ABLIM2: variants seen among roughly 807,000 people sequenced by gnomAD.
ABLIM2 encodes the protein actin binding LIM protein family member 2, also known as actin-binding LIM protein 2.
Under a neutral mutation model 97.7 loss-of-function variants are expected in ABLIM2, and 53 were observed. The ratio of observed to expected loss-of-function variants is 0.54; its 90% CI spans 0.44 to 0.68. The LOEUF (loss-of-function observed/expected upper bound fraction) is 0.68. Ranked by LOEUF, ABLIM2 falls within the 30% of genes least tolerant of loss-of-function variation. The pLI, the probability that ABLIM2 is intolerant of heterozygous loss-of-function variation, is 0.00. For synonymous variants in ABLIM2, 361 were observed against 345.8 expected, an observed-to-expected ratio of 1.04 and a Z score of -0.49; for missense variants, 835 against 867.2, an observed-to-expected ratio of 0.96 and a Z score of 0.47.
intron 9 of ABLIM2, among the ~76,000 whole-genome samples, chr4:8,039,878 T>TTTTTTTG (rs1553989639): frequency 3.6e-5 from 5 of 140,356 alleles, no homozygotes; most frequent in Non-Finnish European, 7.7e-5. Context: ...ATTACTGTTT[T>TTTTTTTG]TTTTTTTTTT....
chr4:8,158,478 C>A (rs1211717324), intron 1 of ABLIM2, among the ~76,000 whole-genome samples: 1 of 152,166 alleles, frequency 6.6e-6, no homozygotes, highest in African/African-American at 2.4e-5. Flanking sequence ...CCGGCCCGCG[C>A]CACTGAGCTA....
At chr4:7,977,497 A>G (rs1042142411) in intron 20 of ABLIM2, among the ~76,000 whole-genome samples, 1 of 152,154 alleles carries the variant, frequency 6.6e-6, no homozygotes, top group Non-Finnish European at 1.5e-5. Context: ...TTGCCATTTA[A>G]AAGGTAGGGT....
In ABLIM2 at chr4:8,125,932, T is replaced by C. The variant is rs372334999; in HGVS notation, c.11-19295A>G. On this transcript the variant is annotated intron_variant, in intron 1 of 20. Transcript: ENST00000447017. This position sits in a 1 kb window ranked among gnomAD's most constrained non-coding sequence, Gnocchi z 6.2. Reference sequence around the variant, plus strand: ...CGCCGCTTTTGGGAACACACCTGCATGTCTCCTTTTTTGGTTCACAACACC... The same window carrying C: ...CGCCGCTTTTGGGAACACACCTGCACGTCTCCTTTTTTGGTTCACAACACC... Among the ~76,000 whole-genome samples, 130 of 152,304 alleles carry C rather than the reference T, an allele frequency of 8.5e-4. 2 individuals are homozygous for C. In the South Asian group the frequency reaches 1.0e-2, roughly 12 times the overall value.
intron 1 of ABLIM2, among the ~76,000 whole-genome samples, chr4:8,143,164 G>GC (rs1415320585): frequency 2.7e-5 from 4 of 148,946 alleles, no homozygotes; most frequent in Admixed American, 6.7e-5. Flanking sequence ...GAGAGTGGGG[G>GC]GGGGGGGCGT....
intron 2 of ABLIM2, among the ~76,000 whole-genome samples, chr4:8,104,392 T>G (rs1836165438): frequency 6.6e-6 from 1 of 152,172 alleles, no homozygotes; most frequent in African/African-American, 2.4e-5. Flanking sequence ...GCTGCCTTTG[T>G]CAGGGCAGTG....
rs1431132100 is a variant in ABLIM2 at position 8,132,242 on chromosome 4, C to G, written c.11-25605G>C. On this transcript the variant is annotated intron_variant, in intron 1 of 20. Coordinates refer to ENST00000447017, the MANE Select transcript of ABLIM2 (RefSeq NM_001130083.2). The surrounding 1 kb of genome is among the most constrained non-coding windows in gnomAD (Gnocchi z 8.0). ...CTGCACAGAACCCCTCACTCCCTGA[C>G]AGCCCAGCGCTGTGGCTGCCACCCA... Among the ~76,000 whole-genome samples, 1 of 152,174 alleles carries G rather than the reference C, an allele frequency of 6.6e-6. No individual in the cohort carries two copies. The highest frequency in any genetic ancestry group is 1.9e-4 in the East Asian group (1 of 5,190).
chr4:8,129,401 A>G (rs550876432), intron 1 of ABLIM2, among the ~76,000 whole-genome samples: 19 of 152,268 alleles, frequency 1.2e-4, no homozygotes, highest in African/African-American at 4.1e-4. Flanking sequence ...CGCCCGAAAC[A>G]CGGCCAGCAC....
At position 8,096,472 on chromosome 4, in the gene ABLIM2, C is replaced by T. The variant is rs527764334; in HGVS notation, c.338+627G>A. 3.9e-5 allele frequency among the ~76,000 whole-genome samples: 6 copies of T among 152,232 alleles called. No individual in the cohort carries two copies. In the East Asian group the frequency reaches 1.2e-3, roughly 29 times the overall value. ...GCTACGATGACACAGAGCGACTCTCCCTAGACATACTCCTTGTCATCGTCA... is the reference window on the plus strand; with the variant it reads ...GCTACGATGACACAGAGCGACTCTCTCTAGACATACTCCTTGTCATCGTCA... On this transcript the variant is annotated intron_variant, in intron 3 of 20. Coordinates refer to ENST00000447017, the MANE Select transcript of ABLIM2 (RefSeq NM_001130083.2).
chr4:7,970,521 A>G lies in ABLIM2; in HGVS notation c.1825-3418T>C, dbSNP rs951686447. ...GCAGGCGTGCCCCGCATGCTGGGGAAGGAGAGAAGGGCAGGCTTGAGGATG... is the reference window on the plus strand; with the variant it reads ...GCAGGCGTGCCCCGCATGCTGGGGAGGGAGAGAAGGGCAGGCTTGAGGATG... On this transcript the variant is annotated intron_variant, in intron 20 of 20. Transcript: ENST00000447017. The surrounding 1 kb of genome is among the most constrained non-coding windows in gnomAD (Gnocchi z 5.3). Among the ~76,000 whole-genome samples the G allele has an allele frequency of 6.6e-6, 1 of 151,724 alleles. No individual in the cohort carries two copies. The highest frequency in any genetic ancestry group is 2.4e-5 in the African/African-American group (1 of 41,348).
At chr4:8,152,421 C>T (rs931983972) in intron 1 of ABLIM2, among the ~76,000 whole-genome samples, 14 of 152,212 alleles carry the variant, frequency 9.2e-5, no homozygotes, top group African/African-American at 3.4e-4. Flanking sequence ...GCTGCGAGGA[C>T]CCCGGGAGGA....
At position 8,091,053 on chromosome 4, in the gene ABLIM2, C is replaced by T. The variant is rs1472750596; in HGVS notation, c.339-2769G>A. 3.3e-5 allele frequency among the ~76,000 whole-genome samples: 5 copies of T among 151,156 alleles called. No homozygotes were observed. In the East Asian group the frequency reaches 7.8e-4, roughly 24 times the overall value. ...TTAACTTTATCAGAAACTGCCAAGC[C>T]GGTTTCCATGGCCGTTGTGCCATTC... On this transcript the variant is annotated intron_variant, in intron 3 of 20. Coordinates refer to ENST00000447017, the MANE Select transcript of ABLIM2 (RefSeq NM_001130083.2).
At chr4:8,111,904 G>T (rs1394591403) in intron 1 of ABLIM2, among the ~76,000 whole-genome samples, 1 of 137,786 alleles carries the variant, frequency 7.3e-6, no homozygotes, top group East Asian at 2.2e-4. Flanking sequence ...TCCAGCCTGG[G>T]TGACAGAATA....
chr4:7,966,484 C>T lies in ABLIM2; in HGVS notation c.*506G>A, dbSNP rs1015123415. 1 of 155,764 alleles carries T rather than the reference C, an allele frequency of 6.4e-6. No homozygotes were observed. The highest frequency in any genetic ancestry group is 6.3e-5 in the Admixed American group (1 of 15,900). 9.6% of individuals were successfully genotyped at this position (155,764 alleles called of 1,614,324 possible). ...GCCTGCAAAAATCACACACCCCACTCTTGGCACTGTCCCAGACGCTCACTG... is the reference window on the plus strand; with the variant it reads ...GCCTGCAAAAATCACACACCCCACTTTTGGCACTGTCCCAGACGCTCACTG... On this transcript the variant is annotated 3_prime_UTR_variant, in exon 21 of 21. Coordinates refer to ENST00000447017, the MANE Select transcript of ABLIM2 (RefSeq NM_001130083.2).
intron 9 of ABLIM2, among the ~76,000 whole-genome samples, chr4:8,037,607 G>A (rs1209872401): frequency 4.0e-5 from 6 of 151,698 alleles, no homozygotes; most frequent in African/African-American, 7.3e-5. Context: ...ACCCACAAAC[G>A]TGCATGCACA....
At chr4:8,079,736 G>A (rs796396597) in intron 5 of ABLIM2, among the ~76,000 whole-genome samples, 4 of 152,080 alleles carry the variant, frequency 2.6e-5, no homozygotes, top group African/African-American at 7.2e-5. Context: ...ACATGTGCTC[G>A]AATGTGCATG....
At chr4:7,997,620 T>C (rs920380951) in intron 16 of ABLIM2, among the ~76,000 whole-genome samples, 5 of 152,166 alleles carry the variant, frequency 3.3e-5, no homozygotes, top group Middle Eastern at 3.2e-3. Context: ...ATTTCTTTGG[T>C]GAGGCTTCCT....
At position 8,036,335 on chromosome 4, in the gene ABLIM2, G is replaced by T. The variant is rs751991633; in HGVS notation, c.901-40C>A. Reference sequence around the variant, plus strand: ...AGAATTGGGGAGGGGACAGTCACCAGATGCACCCCAGAGGGCAGCACCCCC... The same window carrying T: ...AGAATTGGGGAGGGGACAGTCACCATATGCACCCCAGAGGGCAGCACCCCC... On this transcript the variant is annotated intron_variant, in intron 9 of 20. Transcript: ENST00000447017. 18 of 1,606,146 alleles carry T rather than the reference G, an allele frequency of 1.1e-5. No homozygotes were observed. The South Asian group carries it at 1.9e-4, about 17-fold the overall frequency.
chr4:8,121,131 G>A (rs12498899), intron 1 of ABLIM2, among the ~76,000 whole-genome samples: 22,865 of 152,246 alleles, frequency 0.15, 2,071 homozygotes, highest in South Asian at 0.28. Flanking sequence ...TCACTTCCCC[G>A]AGCCTGTTTT....
chr4:8,137,346 G>A (rs995107653), intron 1 of ABLIM2, among the ~76,000 whole-genome samples: 5 of 152,218 alleles, frequency 3.3e-5, no homozygotes, highest in Non-Finnish European at 1.5e-5. Context: ...CATGAACCCC[G>A]GACAAGTGGA....
Sources: gnomAD v4.1 joint callset for allele counts (sites outside exome capture counted in the v4.1 genomes callset) on GRCh38, gnomAD v4.1.1 for gene constraint, Gnocchi (gnomAD v3.1) non-coding constraint, MANE v1.5 for transcripts, NCBI Gene and HGNC (gene_info 2026-07-23, HGNC 2026-07-21) for gene names.